The following HS6ST2 variants were observed in gnomAD, a reference collection of about 807,000 sequenced individuals.
HS6ST2 encodes the protein heparan sulfate 6-O-sulfotransferase 2.
Under a neutral mutation model 33.0 loss-of-function variants are expected in HS6ST2, and 17 were observed. The observed-to-expected ratio is 0.52, with a 90% CI of 0.35 to 0.77. The LOEUF (loss-of-function observed/expected upper bound fraction) is 0.77, where lower values mean the gene tolerates loss of function less well. Ranked by LOEUF, HS6ST2 falls within the 30% of genes least tolerant of loss-of-function variation. The pLI, the probability that HS6ST2 is intolerant of heterozygous loss-of-function variation, is 0.01. For synonymous variants in HS6ST2, 248 were observed against 237.1 expected (o/e 1.05, Z -0.42); for missense variants, 519 against 551.7 (o/e 0.94, Z 0.59).
intron 2 of HS6ST2, among the ~76,000 whole-genome samples, chrX:132,766,943 G>A (rs767814418): frequency 1.8e-5 from 2 of 111,910 alleles, no homozygotes; most frequent in Non-Finnish European, 3.8e-5. Context: ...CTGCGAGGTT[G>A]AGTAACTCAA....
At chrX:132,922,385 C>A (rs949765164) in intron 2 of HS6ST2, among the ~76,000 whole-genome samples, 2 of 111,937 alleles carry the variant, frequency 1.8e-5, no homozygotes, top group Non-Finnish European at 3.8e-5. Context: ...CCACAGGTGC[C>A]CAATGATGCC....
intron 2 of HS6ST2, among the ~76,000 whole-genome samples, chrX:132,744,717 C>A (rs1408195427): frequency 2.7e-5 from 3 of 111,427 alleles, no homozygotes; most frequent in African/African-American, 9.8e-5. Context: ...TGTAAACACA[C>A]CCCTCCTCCT....
At chrX:132,934,060 A>G (rs1398040957) in intron 2 of HS6ST2, among the ~76,000 whole-genome samples, 1 of 87,115 alleles carries the variant, frequency 1.1e-5, no homozygotes, top group Non-Finnish European at 2.3e-5. Context: ...GAAGATAATA[A>G]TGTAATAATA....
chrX:132,760,561 C>T (rs1277659390), intron 2 of HS6ST2, among the ~76,000 whole-genome samples: 1 of 111,865 alleles, frequency 8.9e-6, no homozygotes, highest in Non-Finnish European at 1.9e-5. Context: ...TATCCAGTCT[C>T]GGCTATTTCT....
rs754321608 is a variant in HS6ST2, at chrX:132,958,156, G to A, written c.428+19C>T. On this transcript the variant is annotated intron_variant, in intron 1 of 4. Transcript: ENST00000370833. ...GCCCTGGCCTGGGAGCGCGAACCCC[G>A]CTTTCACCTAGAACGTACCTGGCCA... 11 of 1,108,203 alleles carry A rather than the reference G, an allele frequency of 9.9e-6. No individual in the cohort carries two copies. The highest frequency in any genetic ancestry group is 6.3e-5 in the East Asian group (2 of 31,554). 91.3% of individuals were successfully genotyped at this position (1,108,203 alleles called of 1,213,427 possible). A position where few individuals can be genotyped will look rare whatever the true frequency, so the allele number is the denominator to read the frequency against.
At chrX:132,766,126 C>A (rs1457584303) in intron 2 of HS6ST2, among the ~76,000 whole-genome samples, 2 of 111,851 alleles carry the variant, frequency 1.8e-5, no homozygotes, top group Admixed American at 9.5e-5. Context: ...TTCAACCAGA[C>A]CCCAAGGTGA....
intron 3 of HS6ST2, among the ~76,000 whole-genome samples, chrX:132,678,755 T>G (rs763029599): frequency 5.3e-5 from 6 of 112,457 alleles, no homozygotes; most frequent in South Asian, 3.7e-4. Context: ...TGAGCATTAT[T>G]TTAGTGTGCA....
chrX:132,828,673 A>G (rs1248573655), intron 2 of HS6ST2, among the ~76,000 whole-genome samples: 13 of 60,121 alleles, frequency 2.2e-4, no homozygotes, highest in Non-Finnish European at 3.3e-4. Context: ...TGGAAATATC[A>G]TATTTTATAT....
chrX:132,958,782 C>A (rs368834676), upstream of HS6ST2: 232 of 420,039 alleles, frequency 5.5e-4, 1 homozygote, highest in East Asian at 4.3e-3. Flanking sequence ...GTAATTTCAA[C>A]CTCTCCTAAA....
intron 2 of HS6ST2, among the ~76,000 whole-genome samples, chrX:132,933,348 C>T (rs1222133854): frequency 9.0e-6 from 1 of 110,755 alleles, no homozygotes; most frequent in Non-Finnish European, 1.9e-5. Flanking sequence ...AAAATTACTA[C>T]AAGGCTTCCG....
intron 3 of HS6ST2, among the ~76,000 whole-genome samples, chrX:132,693,746 C>T (rs1031973246): frequency 9.0e-6 from 1 of 111,153 alleles, no homozygotes; most frequent in Admixed American, 9.6e-5. Context: ...ATTTAAATAG[C>T]CCTTCCAGTC....
intron 4 of HS6ST2, among the ~76,000 whole-genome samples, chrX:132,645,177 A>G (rs1441269520): frequency 8.9e-6 from 1 of 112,296 alleles, no homozygotes; most frequent in African/African-American, 3.2e-5. Context: ...TCAAAGTGTC[A>G]TGTACTTAGC....
intron 2 of HS6ST2, among the ~76,000 whole-genome samples, chrX:132,709,600 C>G (rs761171760): frequency 9.0e-6 from 1 of 110,660 alleles, no homozygotes; most frequent in Admixed American, 9.7e-5. Context: ...GGCCTAACAT[C>G]AAATCTGTTA....
In HS6ST2 at chrX:132,958,608, C is replaced by G. The variant is rs769440655; in HGVS notation, c.-6G>C. 27 of 1,159,990 alleles carry G rather than the reference C, an allele frequency of 2.3e-5. No homozygotes were observed. Among genetic ancestry groups the G allele is most frequent in the African/African-American group, 3.6e-5 (2 of 56,111 alleles). On this transcript the variant is annotated 5_prime_UTR_variant, in exon 1 of 5. Coordinates refer to ENST00000370833, the MANE Select transcript of HS6ST2 (RefSeq NM_001394073.1). The stretch of plus-strand genomic sequence containing the variant: ...GCACACGCAGGCAGTGCCATTCCCC[C>G]CTTCAGGCAACTCAGGGTACTAAGG...
At chrX:132,802,305 G>A (rs1000950311) in intron 2 of HS6ST2, among the ~76,000 whole-genome samples, 6 of 111,427 alleles carry the variant, frequency 5.4e-5, no homozygotes, top group East Asian at 2.9e-4. Flanking sequence ...TCTAAAACCC[G>A]GGCAGCACAA....
intron 2 of HS6ST2, among the ~76,000 whole-genome samples, chrX:132,826,641 A>G (rs1303228225): frequency 9.1e-6 from 1 of 109,542 alleles, no homozygotes; most frequent in Admixed American, 9.7e-5. Flanking sequence ...TTATATATAT[A>G]TAGCTCACAT....
intron 2 of HS6ST2, among the ~76,000 whole-genome samples, chrX:132,896,758 CA>C (rs1316603508): frequency 8.9e-6 from 1 of 111,855 alleles, no homozygotes; most frequent in African/African-American, 3.2e-5. Context: ...CTGATTGTCT[CA>C]AAAGAGAAGG....
intron 2 of HS6ST2, among the ~76,000 whole-genome samples, chrX:132,854,538 T>C (rs1188016547): frequency 2.7e-5 from 3 of 112,356 alleles, no homozygotes; most frequent in African/African-American, 9.7e-5. Flanking sequence ...GCATAAACCA[T>C]TACATGTGTT....
At chrX:132,817,319 T>G (rs2065404089) in intron 2 of HS6ST2, among the ~76,000 whole-genome samples, 1 of 110,470 alleles carries the variant, frequency 9.1e-6, no homozygotes, top group African/African-American at 3.3e-5. Flanking sequence ...AATCAGGAAA[T>G]GAAACATCAC....
Sources: allele counts gnomAD v4.1 joint callset (sites outside exome capture counted in the v4.1 genomes callset), GRCh38; gene constraint gnomAD v4.1.1; transcripts MANE v1.5; gene names NCBI Gene and HGNC (gene_info 2026-07-23, HGNC 2026-07-21).